The following LSM12 variants were observed in gnomAD, a reference collection of about 807,000 sequenced individuals.
The protein encoded by LSM12 is LSM12 homolog, also known as protein LSM12.
For missense variants in LSM12, 108 were observed against 238.9 expected (o/e 0.45, Z 3.61); for synonymous variants, 74 against 87.3 (o/e 0.85, Z 0.85).
intron 2 of LSM12, among the ~76,000 whole-genome samples, chr17:44,040,618 T>C (rs933383211): frequency 6.6e-6 from 1 of 152,046 alleles, no homozygotes; most frequent in Non-Finnish European, 1.5e-5. Context: ...AAAGCACTTT[T>C]AACATTATAG....
chr17:44,059,418 A>C (rs556354476), intron 2 of LSM12, among the ~76,000 whole-genome samples: 1 of 152,224 alleles, frequency 6.6e-6, no homozygotes, highest in East Asian at 1.9e-4. Context: ...GCAAAACCCC[A>C]TCTCTACTAA....
intron 3 of LSM12, among the ~76,000 whole-genome samples, chr17:44,038,758 T>C (rs551894508): frequency 5.3e-5 from 8 of 152,240 alleles, no homozygotes; most frequent in Admixed American, 6.5e-5. Context: ...TTCTCAATTA[T>C]CAGACAGTTG....
intron 2 of LSM12, among the ~76,000 whole-genome samples, chr17:44,050,863 G>GGTAGCTCACAACTGT (rs1226976775): frequency 6.6e-6 from 1 of 152,190 alleles, no homozygotes; most frequent in African/African-American, 2.4e-5. Flanking sequence ...GGACAGGCAT[G>GGTAGCTCACAACTGT]GTAGCTCACA....
chr17:44,038,355 CAAAA>C (rs767523063), intron 3 of LSM12, among the ~76,000 whole-genome samples: 40 of 61,800 alleles, frequency 6.5e-4, no homozygotes, highest in Non-Finnish European at 1.1e-3. Context: ...GACCCTGTCT[CAAAA>C]AAAAAAAAAA....
In LSM12 at chr17:44,061,506, T is replaced by A. The variant is rs180792363; in HGVS notation, c.258+2295A>T. Among the ~76,000 whole-genome samples, 8 of 152,282 alleles carry A rather than the reference T, an allele frequency of 5.3e-5. No homozygotes were observed. In the East Asian group the frequency reaches 1.5e-3, roughly 29 times the overall value. On this transcript the variant is annotated intron_variant, in intron 2 of 4. Coordinates refer to ENST00000293406, the MANE Select transcript of LSM12 (RefSeq NM_001371445.1). ...CAAGACAACACCCATATGAACTCAA[T>A]AGCCTTCCAAATCTGTCCCTGGCCA... is the stretch of plus-strand genomic sequence containing the variant.
intron 2 of LSM12, among the ~76,000 whole-genome samples, chr17:44,056,104 C>T (rs1160510576): frequency 1.3e-5 from 2 of 150,720 alleles, no homozygotes; most frequent in Admixed American, 1.3e-4. Flanking sequence ...CCCATCTCTG[C>T]TAAAAATACA....
chr17:44,042,632 T>C (rs868804526), intron 2 of LSM12, among the ~76,000 whole-genome samples: 2 of 150,364 alleles, frequency 1.3e-5, no homozygotes, highest in Non-Finnish European at 2.9e-5. Flanking sequence ...TGGCGCAAGC[T>C]CTGCTCACTG....
intron 1 of LSM12, among the ~76,000 whole-genome samples, chr17:44,064,750 A>C (rs1039752901): frequency 1.3e-4 from 19 of 151,446 alleles, no homozygotes; most frequent in Non-Finnish European, 2.1e-4. Flanking sequence ...AAAAAAAAAA[A>C]GTAATTCCTA....
At chr17:44,039,987 G>A (rs2049466917) in intron 3 of LSM12, among the ~76,000 whole-genome samples, 160 bp downstream of exon 3, 1 of 152,118 alleles carries the variant, frequency 6.6e-6, no homozygotes, top group African/African-American at 2.4e-5. Flanking sequence ...GTGGAAAGGG[G>A]GCTACAGCAC....
chr17:44,043,806 TAAA>T (rs768294471), intron 2 of LSM12, among the ~76,000 whole-genome samples: 4 of 135,600 alleles, frequency 2.9e-5, no homozygotes, highest in African/African-American at 2.7e-5. Flanking sequence ...CTGCCTCTAT[TAAA>T]AAAAAAAAAA....
intron 2 of LSM12, 73 bp from the exon 3 acceptor site, chr17:44,040,329 T>C (rs1429007155): frequency 9.7e-6 from 11 of 1,133,564 alleles, no homozygotes; most frequent in Non-Finnish European, 1.4e-5. Context: ...GGACCTAAGC[T>C]GAAGAAAGGA....
rs1007521274 is a variant in LSM12 at position 44,058,159 on chromosome 17, C to A, written c.258+5642G>T. Among the ~76,000 whole-genome samples the A allele has an allele frequency of 2.6e-5, 4 of 151,746 alleles. No individual in the cohort carries two copies. In the South Asian group the frequency reaches 6.3e-4, roughly 24 times the overall value. On this transcript the variant is annotated intron_variant, in intron 2 of 4. Coordinates refer to ENST00000293406, the MANE Select transcript of LSM12 (RefSeq NM_001371445.1). ...GGCTGAGGCAGGAGAATGGCGTGAA[C>A]CCAGGAGGCGGAGCTTGCAGTGAGC...
intron 2 of LSM12, among the ~76,000 whole-genome samples, chr17:44,051,596 A>G (rs2049645307): frequency 6.6e-6 from 1 of 152,028 alleles, no homozygotes; most frequent in Non-Finnish European, 1.5e-5. Flanking sequence ...TACAAATTGG[A>G]CAGTTAGGAA....
At chr17:44,053,654 TCACA>T (rs2049674522) in intron 2 of LSM12, among the ~76,000 whole-genome samples, 1 of 152,088 alleles carries the variant, frequency 6.6e-6, no homozygotes, top group African/African-American at 2.4e-5. Flanking sequence ...TTCCCAGAGG[TCACA>T]CATTCATTAA....
intron 2 of LSM12, among the ~76,000 whole-genome samples, chr17:44,048,861 A>C (rs1025493296): frequency 6.6e-6 from 1 of 152,130 alleles, no homozygotes; most frequent in East Asian, 1.9e-4. Context: ...AAAGGAGAAA[A>C]GTATATGCAT....
chr17:44,062,077 C>G (rs1462567292), intron 2 of LSM12, among the ~76,000 whole-genome samples: 1 of 152,008 alleles, frequency 6.6e-6, no homozygotes, highest in East Asian at 1.9e-4. Flanking sequence ...AAAAAGTTAG[C>G]CGGGCGTGGT....
chr17:44,059,269 T>C (rs2049763439), intron 2 of LSM12, among the ~76,000 whole-genome samples: 1 of 152,144 alleles, frequency 6.6e-6, no homozygotes, highest in Non-Finnish European at 1.5e-5. Flanking sequence ...TATGAGTTCC[T>C]TGGGCTAAAC....
At chr17:44,050,906 G>A (rs944406075) in intron 2 of LSM12, among the ~76,000 whole-genome samples, 2 of 152,194 alleles carry the variant, frequency 1.3e-5, no homozygotes, top group African/African-American at 4.8e-5. Flanking sequence ...AGATAGGCGG[G>A]TGGATACTTT....
chr17:44,048,016 TAAACA>T (rs1366708941), intron 2 of LSM12, among the ~76,000 whole-genome samples: 2 of 86,600 alleles, frequency 2.3e-5, no homozygotes, highest in Non-Finnish European at 4.6e-5. Context: ...GTGTCCGTAT[TAAACA>T]CACACACACA....
Sources: allele counts gnomAD v4.1 joint callset (sites outside exome capture counted in the v4.1 genomes callset), GRCh38; gene constraint gnomAD v4.1.1; transcripts MANE v1.5; gene names NCBI Gene and HGNC (gene_info 2026-07-23, HGNC 2026-07-21).